Variants in TMTC4 observed in about 807,000 individuals in gnomAD.
TMTC4 encodes protein O-mannosyl-transferase TMTC4.
Under a neutral mutation model 86.0 loss-of-function variants are expected in TMTC4, and 65 were observed. That is an observed-to-expected ratio of 0.76 (90% confidence interval 0.62 to 0.93). The LOEUF (loss-of-function observed/expected upper bound fraction) is 0.93, where lower values mean the gene tolerates loss of function less well. TMTC4 is among the 40% of genes least tolerant of loss of function. The pLI is 0.00. For missense variants in TMTC4, 866 were observed against 948.1 expected (o/e 0.91, Z 1.14); for synonymous variants, 379 against 382.5 (o/e 0.99, Z 0.11).
chr13:100,648,761 C>A (rs1428887926), intron 6 of TMTC4, among the ~76,000 whole-genome samples: 1 of 152,216 alleles, frequency 6.6e-6, no homozygotes, highest in African/African-American at 2.4e-5. Context: ...CTTACTGGAG[C>A]CTTGACCTCC....
At chr13:100,637,362 G>A (rs1016437050) in intron 9 of TMTC4, among the ~76,000 whole-genome samples, 176 bp downstream of exon 9, 6 of 152,140 alleles carry the variant, frequency 3.9e-5, no homozygotes, top group Non-Finnish European at 1.5e-5. Context: ...AACCCCCTCA[G>A]GAAGACCTGC....
chr13:100,664,253 C>T lies in TMTC4; in HGVS notation c.303G>A (p.Lys101=). The change falls in exon 4 of 19, where the codon AAG becomes AAA. Residue 101 remains lysine, a synonymous_variant. Transcript: ENST00000342624. ...TCAGGACGGTGAGAGGCCGGTAGGA[C>T]TTGTGGCTGGTGTTGCTGCTCAGTC... ...GSRLSSNTSH[K]SYRPLTVLTF... 1.2e-6 allele frequency: 2 copies of T among 1,612,360 alleles called. No individual in the cohort carries two copies. The highest frequency in any genetic ancestry group is 1.7e-6 in the Non-Finnish European group (2 of 1,179,188).
chr13:100,616,387 G>A (rs1448205644), intron 15 of TMTC4, among the ~76,000 whole-genome samples: 2 of 152,078 alleles, frequency 1.3e-5, no homozygotes, highest in African/African-American at 4.8e-5. Flanking sequence ...ATTTTTAGTA[G>A]AGATGGGCTT....
At chr13:100,673,912 T>C (rs1230529922) in intron 1 of TMTC4, 2 of 508,024 alleles carry the variant, frequency 3.9e-6, no homozygotes, top group Admixed American at 1.3e-4. Context: ...CTCAAGACAT[T>C]CTCCCCATGC....
At position 100,614,352 on chromosome 13, in the gene TMTC4, C is replaced by A. The variant is rs1878132823; in HGVS notation, c.1915G>T (p.Ala639Ser). 2 of 1,613,834 alleles carry A rather than the reference C, an allele frequency of 1.2e-6. No homozygotes were observed. The highest frequency in any genetic ancestry group is 1.7e-6 in the Non-Finnish European group (2 of 1,179,944). Residue 639 changes from alanine to serine, a missense_variant, in exon 16 of 19, where the codon GCC (alanine) becomes TCC (serine). By Grantham distance (99) the Ala-to-Ser change is moderately conservative. Transcript: ENST00000342624. ...AGGAGTATAATCATGTTGTTCCAGG[C>A]CAGGCTGTGCTCTGGTTTCAGCACG... ...ATVLKPEHSLAWNNMIILLDN... is the reference protein window; with the variant it reads ...ATVLKPEHSLSWNNMIILLDN...
At chr13:100,669,678 C>A (rs1001159593) in intron 2 of TMTC4, among the ~76,000 whole-genome samples, 4 of 152,166 alleles carry the variant, frequency 2.6e-5, no homozygotes, top group African/African-American at 9.7e-5. Context: ...CGGCCCTCTG[C>A]AAAGCATCTT....
At chr13:100,633,217 G>A (rs987939770) in intron 12 of TMTC4, among the ~76,000 whole-genome samples, 3 of 150,052 alleles carry the variant, frequency 2.0e-5, no homozygotes, top group Non-Finnish European at 3.0e-5. Context: ...GCTGAGGCAG[G>A]AGAATCGCTT....
At chr13:100,610,253 C>G (rs761872033) in intron 17 of TMTC4, among the ~76,000 whole-genome samples, 1 of 152,218 alleles carries the variant, frequency 6.6e-6, no homozygotes, top group Non-Finnish European at 1.5e-5. Flanking sequence ...CTCACCACAT[C>G]CCCTCTTCTC....
intron 12 of TMTC4, among the ~76,000 whole-genome samples, chr13:100,633,181 G>A (rs1015089512): frequency 2.6e-5 from 4 of 151,772 alleles, no homozygotes; most frequent in African/African-American, 4.8e-5. Flanking sequence ...GCATAGTGGC[G>A]CATGCCTGTC....
chr13:100,630,943 A>G (rs1881274495), intron 12 of TMTC4, among the ~76,000 whole-genome samples: 1 of 152,234 alleles, frequency 6.6e-6, no homozygotes, highest in Non-Finnish European at 1.5e-5. Flanking sequence ...GTTTCCCTAG[A>G]GGCCAGCTTT....
chr13:100,656,220 T>C (rs1334264956), intron 6 of TMTC4, among the ~76,000 whole-genome samples, 161 bp downstream of exon 6: 3 of 152,154 alleles, frequency 2.0e-5, no homozygotes, highest in African/African-American at 4.8e-5. Flanking sequence ...ATGGCACAAA[T>C]AGACATACAT....
chr13:100,652,749 A>C (rs1007601598), intron 6 of TMTC4, among the ~76,000 whole-genome samples: 1 of 152,168 alleles, frequency 6.6e-6, no homozygotes, highest in Non-Finnish European at 1.5e-5. Flanking sequence ...GGAAAAAGTC[A>C]ACAGGAAAGG....
intron 17 of TMTC4, among the ~76,000 whole-genome samples, chr13:100,609,676 T>TACAC (rs373186529): frequency 0.11 from 15,755 of 143,880 alleles, 1,008 homozygotes; most frequent in East Asian, 0.28. Context: ...TAAATGTATA[T>TACAC]ATATACACAC....
intron 1 of TMTC4, among the ~76,000 whole-genome samples, chr13:100,672,523 C>G (rs1421579393): frequency 6.6e-6 from 1 of 152,198 alleles, no homozygotes; most frequent in East Asian, 1.9e-4. Flanking sequence ...CAGGGTTTCA[C>G]TCTGCCACCC....
At chr13:100,647,806 C>G (rs1883945819) in intron 6 of TMTC4, among the ~76,000 whole-genome samples, 1 of 152,140 alleles carries the variant, frequency 6.6e-6, no homozygotes, top group Non-Finnish European at 1.5e-5. Context: ...GTCCTCTTAT[C>G]TGGAATTTAA....
At chr13:100,642,757 T>C (rs568882216) in intron 6 of TMTC4, among the ~76,000 whole-genome samples, 1 of 152,148 alleles carries the variant, frequency 6.6e-6, no homozygotes, top group Non-Finnish European at 1.5e-5. Context: ...CCTCTGAGAA[T>C]CTCCACTACT....
At position 100,605,024 on chromosome 13, in the gene TMTC4, C is replaced by T; in HGVS notation, c.2253G>A (p.Lys751=). Reference sequence around the variant, plus strand: ...CAGCTTTCTTTTGCATTAGTTCTAGCTTTCTTCTCAGCAGACCGTAATTCT... The same window carrying T: ...CAGCTTTCTTTTGCATTAGTTCTAGTTTTCTTCTCAGCAGACCGTAATTCT... ...TKENYGLLRR[K]LELMQKKAV is the part of the protein sequence containing the mutation. Residue 751 remains lysine, a synonymous_variant, in exon 19 of 19, where the codon AAG becomes AAA. Coordinates refer to ENST00000342624, the MANE Select transcript of TMTC4 (RefSeq NM_032813.5). The surrounding 1 kb of genome is among the most constrained non-coding windows in gnomAD (Gnocchi z 4.3). The T allele has an allele frequency of 5.6e-6, 9 of 1,613,860 alleles. No individual in the cohort carries two copies. The highest frequency in any genetic ancestry group is 1.3e-5 in the African/African-American group (1 of 75,024).
chr13:100,629,899 G>A (rs964217942), intron 12 of TMTC4, among the ~76,000 whole-genome samples: 3 of 152,124 alleles, frequency 2.0e-5, no homozygotes, highest in African/African-American at 7.2e-5. Context: ...ACAGGGGGAA[G>A]GTGCCGTCTG....
upstream of TMTC4, chr13:100,675,053 C>G (rs1887696411): frequency 1.0e-6 from 1 of 985,604 alleles, no homozygotes; most frequent in Non-Finnish European, 1.2e-6. Flanking sequence ...GAAGGAGGCG[C>G]AGGGACAGAC....
Sources: gnomAD v4.1 joint callset for allele counts (sites outside exome capture counted in the v4.1 genomes callset) on GRCh38, gnomAD v4.1.1 for gene constraint, Gnocchi (gnomAD v3.1) non-coding constraint, MANE v1.5 for transcripts, NCBI Gene and HGNC (gene_info 2026-07-23, HGNC 2026-07-21) for gene names.